The following THOC1 variants were observed in gnomAD, a reference collection of about 807,000 sequenced individuals.
THOC1 encodes THO complex subunit 1, also known as THO complex 1.
Under a neutral mutation model 97.3 loss-of-function variants are expected in THOC1, and 29 were observed. The ratio of observed to expected loss-of-function variants is 0.30; its 90% CI spans 0.22 to 0.41. THOC1 has a LOEUF of 0.41. Among genes scored for constraint, THOC1 ranks in the 10% least tolerant of loss-of-function variants. The pLI is 1.00. For missense variants in THOC1, 529 were observed against 761.9 expected, an observed-to-expected ratio of 0.69 and a Z score of 3.60; for synonymous variants, 255 against 257.0, an observed-to-expected ratio of 0.99 and a Z score of 0.07.
At chr18:221,518 A>G (rs1260148745) in intron 17 of THOC1, among the ~76,000 whole-genome samples, 1 of 151,966 alleles carries the variant, frequency 6.6e-6, no homozygotes, top group Non-Finnish European at 1.5e-5. Flanking sequence ...ATGCCTTTTA[A>G]AAATTACGTC....
At chr18:257,377 A>G (rs114569529) in intron 7 of THOC1, among the ~76,000 whole-genome samples, 4,763 of 152,330 alleles carry the variant, frequency 0.031, 236 homozygotes, top group African/African-American at 0.11. Flanking sequence ...ATTATAGTTA[A>G]TGAGAGCCAA....
chr18:228,439 TAGTA>T (rs1374925688), intron 11 of THOC1, among the ~76,000 whole-genome samples: 1 of 152,070 alleles, frequency 6.6e-6, no homozygotes, highest in Non-Finnish European at 1.5e-5. Context: ...AAGTGTCAAA[TAGTA>T]AGTATTTTTA....
chr18:215,378 A>C, intron 20 of THOC1, 51 bp downstream of exon 20: 2 of 1,395,550 alleles, frequency 1.4e-6, no homozygotes, highest in Admixed American at 3.5e-5. Context: ...TCAACAAAGA[A>C]CCCCAATCGT....
At chr18:229,876 TG>T (rs1399923554) in intron 11 of THOC1, among the ~76,000 whole-genome samples, 1 of 152,150 alleles carries the variant, frequency 6.6e-6, no homozygotes, top group African/African-American at 2.4e-5. Context: ...CCCTTAAACA[TG>T]GGTTTTCTTC....
At position 216,434 on chromosome 18, in the gene THOC1, T is replaced by G. The variant is rs190737371; in HGVS notation, c.1602+52A>C. The stretch of plus-strand genomic sequence containing the variant: ...TTTTTGCTCACATAGTGACAGCAAT[T>G]TTAAAGAAGATGTCAACTAAAGGGT... On this transcript the variant is annotated intron_variant, in intron 19 of 20. Transcript: ENST00000261600. 95 of 1,571,586 alleles carry G rather than the reference T, an allele frequency of 6.0e-5. No homozygotes were observed. In the East Asian group the frequency reaches 1.5e-3, roughly 25 times the overall value.
In THOC1 at chr18:215,512, TGAGA is replaced by T; in HGVS notation, c.1603-12_1603-9del. 6.2e-7 allele frequency: 1 copy of T among 1,608,872 alleles called. No individual in the cohort carries two copies. The highest frequency in any genetic ancestry group is 2.2e-5 in the East Asian group (1 of 44,828). ...TATTTCTTCAGAAGGAGGCTAAAAA[TGAGA>T]AAGAAGAATGTTTGAAAGAATGCCA... On this transcript the variant is annotated splice_polypyrimidine_tract_variant and intron_variant, in intron 19 of 20. Coordinates refer to ENST00000261600, the MANE Select transcript of THOC1 (RefSeq NM_005131.3).
At chr18:251,315 G>C (rs1187020032) in intron 9 of THOC1, among the ~76,000 whole-genome samples, 1 of 152,174 alleles carries the variant, frequency 6.6e-6, no homozygotes, top group African/African-American at 2.4e-5. Flanking sequence ...TGGGATGCCA[G>C]AAATACATCT....
At position 265,302 on chromosome 18, in the gene THOC1, C is replaced by A; in HGVS notation, c.189+1G>T. The A allele has an allele frequency of 6.3e-7, 1 of 1,583,588 alleles. No homozygotes were observed. The stretch of plus-strand genomic sequence containing the variant: ...TTTTAACAATGGAAAAACATACTTA[C>A]AATTTCTTCTTCTAGAATACCTCTG... On this transcript the variant is annotated splice_donor_variant, in intron 3 of 20. Coordinates refer to ENST00000261600, the MANE Select transcript of THOC1 (RefSeq NM_005131.3). LOFTEE classifies it high-confidence loss of function.
intron 9 of THOC1, among the ~76,000 whole-genome samples, chr18:251,644 T>G (rs572633333): frequency 1.3e-5 from 2 of 152,304 alleles, no homozygotes; most frequent in South Asian, 2.1e-4. Flanking sequence ...GTGGGTTTTC[T>G]CTAGGTAGTC....
At chr18:258,496 C>T (rs2143291173) in intron 7 of THOC1, among the ~76,000 whole-genome samples, 1 of 152,216 alleles carries the variant, frequency 6.6e-6, no homozygotes, top group Non-Finnish European at 1.5e-5. Context: ...AAAGAAAGCA[C>T]ATAAACCACT....
chr18:245,509 C>T lies in THOC1; in HGVS notation c.918+815G>A, dbSNP rs369484076. On this transcript the variant is annotated intron_variant, in intron 11 of 20. Coordinates refer to ENST00000261600, the MANE Select transcript of THOC1 (RefSeq NM_005131.3). ...TTGTTATCCCTAGGCTCACAACTTC[C>T]TATAAAACCATAGCCCTTGGCAGAA... The T allele has an allele frequency of 5.3e-5, 8 of 152,262 alleles. No individual in the cohort carries two copies. The East Asian group carries it at 9.6e-4, about 18-fold the overall frequency. 9.4% of individuals were successfully genotyped at this position (152,262 alleles called of 1,614,324 possible). A position where few individuals can be genotyped will look rare whatever the true frequency, so the allele number is the denominator to read the frequency against.
At chr18:232,713 A>G (rs1240308517) in intron 11 of THOC1, among the ~76,000 whole-genome samples, 1 of 152,088 alleles carries the variant, frequency 6.6e-6, no homozygotes, top group Non-Finnish European at 1.5e-5. Flanking sequence ...TCAACAGTGT[A>G]TAAAAGTTCT....
chr18:222,311 A>G (rs1053992820), intron 17 of THOC1, among the ~76,000 whole-genome samples: 2 of 152,242 alleles, frequency 1.3e-5, no homozygotes, highest in African/African-American at 2.4e-5. Flanking sequence ...GTGTCTACAC[A>G]GTAATCCTTT....
In THOC1 at chr18:214,634, T is replaced by G. The variant is rs1269606971; in HGVS notation, c.1966A>C (p.Asn656His). ...AAGAAAAAAAAAAGAAGCTAACTAT[T>G]TGTCTCATTGTCATTAGTTAGACTT... ...AESLTNDNET[N>H]S is the part of the protein sequence containing the mutation. Residue 656 changes from asparagine to histidine, a missense_variant, in exon 21 of 21, where the codon AAT becomes CAT. By Grantham distance (68) the Asn-to-His change is moderately conservative. Transcript: ENST00000261600. 3 of 1,603,700 alleles carry G rather than the reference T, an allele frequency of 1.9e-6. No individual in the cohort carries two copies. Among genetic ancestry groups the G allele is most frequent in the Middle Eastern group, 3.3e-4 (2 of 6,042 alleles).
chr18:240,888 G>A (rs1405532881), intron 11 of THOC1, among the ~76,000 whole-genome samples: 2 of 152,172 alleles, frequency 1.3e-5, no homozygotes, highest in Non-Finnish European at 2.9e-5. Flanking sequence ...ATCTGGGGTT[G>A]GTGGGAGACA....
chr18:264,216 T>A (rs1027000432), intron 3 of THOC1, 124 bp from the exon 4 acceptor site: 5 of 640,022 alleles, frequency 7.8e-6, no homozygotes, highest in Non-Finnish European at 1.3e-5. Context: ...ATATTTCTTA[T>A]AGAAAACAAT....
intron 11 of THOC1, among the ~76,000 whole-genome samples, chr18:229,335 A>C (rs1911401411): frequency 6.6e-6 from 1 of 152,318 alleles, no homozygotes; most frequent in Non-Finnish European, 1.5e-5. Flanking sequence ...ACTGTTGCCA[A>C]TCAGCTCCTC....
chr18:227,466 C>T (rs147154644), intron 11 of THOC1, among the ~76,000 whole-genome samples: 1 of 151,782 alleles, frequency 6.6e-6, no homozygotes, highest in Non-Finnish European at 1.5e-5. Flanking sequence ...AGAGGTATTA[C>T]TTGACAATAA....
intron 5 of THOC1, 121 bp downstream of exon 5, chr18:260,065 T>C (rs1912555524): frequency 3.2e-6 from 2 of 631,070 alleles, no homozygotes; most frequent in African/African-American, 1.9e-5. Context: ...AATTTTTTCA[T>C]AGGCAGAAAC....
Sources: gnomAD v4.1 joint callset for allele counts (sites outside exome capture counted in the v4.1 genomes callset) on GRCh38, gnomAD v4.1.1 for gene constraint, MANE v1.5 for transcripts, NCBI Gene and HGNC (gene_info 2026-07-23, HGNC 2026-07-21) for gene names.